The following TOM1L2 variants were observed in gnomAD, a reference collection of about 807,000 sequenced individuals.
The protein encoded by TOM1L2 is target of myb1 like 2 membrane trafficking protein, also known as TOM1-like protein 2.
In TOM1L2, 31 loss-of-function variants were observed where a neutral mutation model predicts 67.9. That is an observed-to-expected ratio of 0.46 (90% CI 0.34 to 0.62). The LOEUF (loss-of-function observed/expected upper bound fraction) is 0.62, where lower values mean the gene tolerates loss of function less well. Ranked by LOEUF, TOM1L2 falls within the 20% of genes least tolerant of loss-of-function variation. TOM1L2 has a pLI of 0.01. For missense variants in TOM1L2, 606 were observed against 663.5 expected (o/e 0.91, Z 0.95); for synonymous variants, 256 against 254.0 (o/e 1.01, Z -0.07).
intron 7 of TOM1L2, among the ~76,000 whole-genome samples, chr17:17,873,896 C>T (rs550723408): frequency 2.5e-4 from 38 of 152,258 alleles, no homozygotes; most frequent in Non-Finnish European, 4.0e-4. Context: ...CACTGCCATT[C>T]ACTGTAAAAT....
At chr17:17,914,143 C>A (rs964759692) in intron 1 of TOM1L2, among the ~76,000 whole-genome samples, 1 of 152,212 alleles carries the variant, frequency 6.6e-6, no homozygotes, top group African/African-American at 2.4e-5. Flanking sequence ...GTCATTCCCT[C>A]TGGGCGTGGA....
chr17:17,903,856 G>A (rs1234048691), intron 2 of TOM1L2, among the ~76,000 whole-genome samples: 2 of 152,020 alleles, frequency 1.3e-5, no homozygotes, highest in African/African-American at 2.4e-5. Flanking sequence ...AGTGAATGAC[G>A]GGATCTACTT....
Position 17,907,477 on chromosome 17 carries a change from A to G in TOM1L2, c.107T>C (p.Ile36Thr), listed in dbSNP as rs2039150055. ...CTCCGTCTCATTGATGATGTCACAG[A>G]TCTCCATATTCAACGTCCAATCCTC... ...QSEDWTLNME[I>T]CDIINETEEG... Residue 36 changes from isoleucine (I) to threonine (T), a missense_variant, in exon 2 of 15, where the codon ATC (isoleucine) becomes ACC (threonine). By Grantham distance (89) the Ile-to-Thr change is moderately conservative. Transcript: ENST00000379504. 6.2e-7 allele frequency: 1 copy of G among 1,613,994 alleles called. No individual in the cohort carries two copies.
intron 12 of TOM1L2, 91 bp from the exon 13 acceptor site, chr17:17,851,043 A>G (rs2035946998): frequency 6.8e-7 from 1 of 1,477,334 alleles, no homozygotes; most frequent in Non-Finnish European, 9.4e-7. Context: ...ATCAACAGCA[A>G]CCCCAAATAA....
chr17:17,942,047 C>T (rs751984670), intron 1 of TOM1L2, among the ~76,000 whole-genome samples: 1 of 152,218 alleles, frequency 6.6e-6, no homozygotes, highest in Non-Finnish European at 1.5e-5. Context: ...GTTCTGTTCT[C>T]TCTACTTCTC....
chr17:17,935,458 C>A (rs551091670), intron 1 of TOM1L2, among the ~76,000 whole-genome samples: 1 of 152,324 alleles, frequency 6.6e-6, no homozygotes, highest in South Asian at 2.1e-4. Context: ...AGAAAAGTGA[C>A]CTTCTCCACA....
chr17:17,949,030 A>G (rs1003050328), intron 1 of TOM1L2, among the ~76,000 whole-genome samples: 13 of 152,220 alleles, frequency 8.5e-5, no homozygotes, highest in African/African-American at 3.1e-4. Flanking sequence ...TGACTGTCCC[A>G]TAGACCAGAG....
chr17:17,870,478 A>G (rs959658423), intron 7 of TOM1L2, among the ~76,000 whole-genome samples: 1 of 152,210 alleles, frequency 6.6e-6, no homozygotes, highest in Admixed American at 6.5e-5. Flanking sequence ...GACCAAAGCT[A>G]CAAGTCCCAG....
Position 17,877,598 on chromosome 17 carries a change from G to A in TOM1L2, c.777+2029C>T, listed in dbSNP as rs960900576. Among the ~76,000 whole-genome samples, 8 of 152,338 alleles carry A rather than the reference G, an allele frequency of 5.3e-5. No homozygotes were observed. In the East Asian group the frequency reaches 1.2e-3, roughly 22 times the overall value. On this transcript the variant is annotated intron_variant, in intron 7 of 14. Coordinates refer to ENST00000379504, the MANE Select transcript of TOM1L2 (RefSeq NM_001082968.2). ...GGGTGGGAAGATGTCGGCAATGGCG[G>A]AGGCGTGCAGCCAACCAGCCAGGAC...
At chr17:17,954,137 T>C (rs974387788) in intron 1 of TOM1L2, among the ~76,000 whole-genome samples, 15 of 152,222 alleles carry the variant, frequency 9.9e-5, no homozygotes, top group African/African-American at 2.7e-4. Context: ...AAGGGTATAT[T>C]GGTCTAAACC....
intron 2 of TOM1L2, among the ~76,000 whole-genome samples, chr17:17,903,769 T>C (rs1015324981): frequency 5.3e-5 from 8 of 152,082 alleles, no homozygotes; most frequent in Non-Finnish European, 8.8e-5. Context: ...ACACGGGTTA[T>C]GAAATCATAT....
intron 1 of TOM1L2, among the ~76,000 whole-genome samples, chr17:17,920,394 G>A: frequency 7.2e-6 from 1 of 138,404 alleles, no homozygotes. Flanking sequence ...AGGCTGGAGT[G>A]CAGTGGTACA....
At chr17:17,970,047 T>C (rs565977322) in intron 1 of TOM1L2, among the ~76,000 whole-genome samples, 16 of 152,050 alleles carry the variant, frequency 1.1e-4, no homozygotes, top group African/African-American at 3.6e-4. Context: ...TTTTTTGTTG[T>C]TGTTGTTGTT....
At position 17,884,533 on chromosome 17, in the gene TOM1L2, A is replaced by C. The variant is rs142696068; in HGVS notation, c.501+101T>G. On this transcript the variant is annotated intron_variant, in intron 5 of 14. Coordinates refer to ENST00000379504, the MANE Select transcript of TOM1L2 (RefSeq NM_001082968.2). ...CCGAGCTTTAAGAAAGCATGATGAC[A>C]AGCTGAATAATTCAAAGGCAGCAGC... 395 of 1,523,710 alleles carry C rather than the reference A, an allele frequency of 2.6e-4. 2 individuals are homozygous for C. In the African/African-American group the frequency reaches 5.0e-3, roughly 19 times the overall value. 94.4% of individuals were successfully genotyped at this position (1,523,710 alleles called of 1,614,324 possible).
chr17:17,938,899 T>C (rs2040617616), intron 1 of TOM1L2, among the ~76,000 whole-genome samples: 1 of 152,042 alleles, frequency 6.6e-6, no homozygotes, highest in African/African-American at 2.4e-5. Context: ...ATTCTCACTT[T>C]CTATACACTG....
At chr17:17,879,500 T>G in intron 7 of TOM1L2, 127 bp downstream of exon 7, 2 of 728,316 alleles carry the variant, frequency 2.7e-6, no homozygotes, top group Non-Finnish European at 5.0e-6. Context: ...TGTGCTCACA[T>G]GGACTATCAA....
rs1256317436 is a variant in TOM1L2, at chr17:17,848,925, T to C, written c.1339-66A>G. 5.1e-6 allele frequency: 8 copies of C among 1,570,278 alleles called. No homozygotes were observed. In the East Asian group the frequency reaches 1.3e-4, roughly 26 times the overall value. On this transcript the variant is annotated intron_variant, in intron 13 of 14. Coordinates refer to ENST00000379504, the MANE Select transcript of TOM1L2 (RefSeq NM_001082968.2). Reference sequence around the variant, plus strand: ...CAAGCACTGCCCGCCCAGCCACCTCTGTCTGCCCATGGCCACCCTAGGACA... The same window carrying C: ...CAAGCACTGCCCGCCCAGCCACCTCCGTCTGCCCATGGCCACCCTAGGACA...
At chr17:17,880,124 C>G (rs1439686071) in intron 6 of TOM1L2, among the ~76,000 whole-genome samples, 1 of 152,168 alleles carries the variant, frequency 6.6e-6, no homozygotes, top group Non-Finnish European at 1.5e-5. Context: ...AATCCAAGTG[C>G]AGGAGGGCAG....
intron 11 of TOM1L2, 80 bp from the exon 12 acceptor site, chr17:17,861,631 C>A: frequency 8.0e-7 from 1 of 1,246,686 alleles, no homozygotes. Flanking sequence ...CCTGTAATCA[C>A]TTCTATCCTA....
Sources: gnomAD v4.1 joint callset for allele counts (sites outside exome capture counted in the v4.1 genomes callset) on GRCh38, gnomAD v4.1.1 for gene constraint, MANE v1.5 for transcripts, NCBI Gene and HGNC (gene_info 2026-07-23, HGNC 2026-07-21) for gene names.